Variants in VEZT observed in about 807,000 individuals in gnomAD.
VEZT encodes the protein vezatin, adherens junctions transmembrane protein.
Under a neutral mutation model 79.9 loss-of-function variants are expected in VEZT, and 39 were observed. That is an observed-to-expected ratio of 0.49 (90% CI 0.38 to 0.64). The LOEUF is 0.64. Among genes scored for constraint, VEZT ranks in the 30% least tolerant of loss-of-function variants. The pLI, the probability that VEZT is intolerant of heterozygous loss-of-function variation, is 0.00. For missense variants in VEZT, 837 were observed against 893.1 expected (o/e 0.94, Z 0.80); for synonymous variants, 325 against 327.6 (o/e 0.99, Z 0.09).
At chr12:95,243,309 CAG>C (rs150622139) in intron 1 of VEZT, among the ~76,000 whole-genome samples, 2,177 of 140,842 alleles carry the variant, frequency 0.015, 22 homozygotes, top group Non-Finnish European at 0.022. Context: ...TTGCCGTGAG[CAG>C]AGATAGTGTC....
At chr12:95,296,418 TAA>T in intron 11 of VEZT, 160 bp downstream of exon 11, 1 of 528,404 alleles carries the variant, frequency 1.9e-6, no homozygotes, top group African/African-American at 2.0e-5. Flanking sequence ...ATTTGATTAA[TAA>T]AAGAGTAGGA....
intron 1 of VEZT, chr12:95,218,610 C>A (rs1288812959): frequency 2.0e-5 from 3 of 152,100 alleles, no homozygotes; most frequent in Admixed American, 2.0e-4. Context: ...AAACTCGCAC[C>A]CCTGTACGTA....
intron 1 of VEZT, among the ~76,000 whole-genome samples, chr12:95,249,562 A>G (rs948688761): frequency 6.6e-6 from 1 of 152,242 alleles, no homozygotes; most frequent in African/African-American, 2.4e-5. Context: ...AACATAGCTT[A>G]AAAGAAAGGC....
At chr12:95,248,203 C>G (rs1203198212) in intron 1 of VEZT, among the ~76,000 whole-genome samples, 1 of 152,148 alleles carries the variant, frequency 6.6e-6, no homozygotes, top group Non-Finnish European at 1.5e-5. Flanking sequence ...AACAAGAAGC[C>G]TGTGAAACCA....
chr12:95,235,319 G>A (rs1412106086), intron 1 of VEZT, among the ~76,000 whole-genome samples: 33 of 136,334 alleles, frequency 2.4e-4, no homozygotes, highest in African/African-American at 8.7e-4. Flanking sequence ...CGGACGGGGC[G>A]GCTGGCCGGG....
At chr12:95,272,292 A>G (rs1302030648) in intron 6 of VEZT, among the ~76,000 whole-genome samples, 1 of 152,156 alleles carries the variant, frequency 6.6e-6, no homozygotes, top group African/African-American at 2.4e-5. Context: ...TTTTTATTAG[A>G]TGGTAAGAGA....
At chr12:95,230,318 C>T (rs1370932717) in intron 1 of VEZT, among the ~76,000 whole-genome samples, 6 of 152,056 alleles carry the variant, frequency 3.9e-5, no homozygotes, top group African/African-American at 1.4e-4. Flanking sequence ...ATATAGCCTC[C>T]TATCTCTTAT....
At chr12:95,234,001 G>A (rs1196531696) in intron 1 of VEZT, among the ~76,000 whole-genome samples, 1 of 152,146 alleles carries the variant, frequency 6.6e-6, no homozygotes. Flanking sequence ...AGTGTATGAT[G>A]TATCTGTATT....
chr12:95,224,557 C>A (rs1198584043), intron 1 of VEZT, among the ~76,000 whole-genome samples: 1 of 152,130 alleles, frequency 6.6e-6, no homozygotes. Context: ...TGGGCTTTAC[C>A]ACCTATGAGA....
chr12:95,227,685 C>T (rs890488222), intron 1 of VEZT, among the ~76,000 whole-genome samples: 6 of 151,954 alleles, frequency 3.9e-5, no homozygotes, highest in African/African-American at 1.5e-4. Flanking sequence ...ACATGTTGCC[C>T]AGGTTCAAGT....
At chr12:95,219,272 G>T (rs989339405) in intron 1 of VEZT, among the ~76,000 whole-genome samples, 2 of 152,018 alleles carry the variant, frequency 1.3e-5, no homozygotes, top group Admixed American at 1.3e-4. Context: ...TATGCTCAAG[G>T]AACATTTTAT....
intron 1 of VEZT, among the ~76,000 whole-genome samples, chr12:95,239,525 A>G (rs2060606548): frequency 6.6e-6 from 1 of 152,236 alleles, no homozygotes. Context: ...GCCACTAGTT[A>G]GTGCAGACTA....
intron 1 of VEZT, among the ~76,000 whole-genome samples, chr12:95,222,193 C>G (rs564606384): frequency 6.6e-6 from 1 of 152,100 alleles, no homozygotes. Flanking sequence ...CCAATTAAAC[C>G]TTATTCTTTT....
At chr12:95,300,088 A>G (rs1371334282) in intron 11 of VEZT, 77 bp from the exon 12 acceptor site, 4 of 772,832 alleles carry the variant, frequency 5.2e-6, no homozygotes, top group Admixed American at 8.2e-5. Context: ...AAAAAAACTG[A>G]GAGTTTGAAT....
At chr12:95,245,448 T>C (rs1180516972) in intron 1 of VEZT, 8 of 454,074 alleles carry the variant, frequency 1.8e-5, no homozygotes, top group Non-Finnish European at 3.1e-5. Flanking sequence ...TGATGAACCG[T>C]GGTTTTATCA....
At chr12:95,262,781 T>A in intron 3 of VEZT, 125 bp from the exon 4 acceptor site, 1 of 841,854 alleles carries the variant, frequency 1.2e-6, no homozygotes, top group Non-Finnish European at 1.7e-6. Context: ...ATTGGACTGT[T>A]GTTTCTTCTT....
rs770832605 is a variant in VEZT at position 95,257,255 on chromosome 12, T to G, written c.258+16T>G. The G allele has an allele frequency of 6.4e-7, 1 of 1,567,602 alleles. No homozygotes were observed. Among genetic ancestry groups the G allele is most frequent in the South Asian group, 1.2e-5 (1 of 85,836 alleles). On this transcript the variant is annotated intron_variant, in intron 3 of 11. Coordinates refer to ENST00000436874, the MANE Select transcript of VEZT (RefSeq NM_017599.4). ...TCACAAGTTGGTAAGTGGTCACTTC[T>G]TTTTGCCACTTTTCAGGGTTCTAGG...
intron 6 of VEZT, 48 bp from the exon 7 acceptor site, chr12:95,274,694 T>C: frequency 6.4e-7 from 1 of 1,569,370 alleles, no homozygotes; most frequent in South Asian, 1.2e-5. Flanking sequence ...ACTGTATCTT[T>C]TATGCTTTCA....
chr12:95,300,579 C>T lies in VEZT; in HGVS notation c.2246C>T (p.Ser749Phe). ...CTTGCTGCAGAAGTGGCTGCTAGATCTCTCTCCTTTACCACCATGCAGGAA... is the reference window on the plus strand; with the variant it reads ...CTTGCTGCAGAAGTGGCTGCTAGATTTCTCTCCTTTACCACCATGCAGGAA... ...AGLAAEVAAR[S>F]LSFTTMQEQT... Residue 749 changes from serine to phenylalanine, a missense_variant, in exon 12 of 12, where the codon TCT becomes TTT. By Grantham distance (155) the Ser-to-Phe change is radical. Coordinates refer to ENST00000436874, the MANE Select transcript of VEZT (RefSeq NM_017599.4). The T allele has an allele frequency of 6.2e-7, 1 of 1,613,904 alleles. No individual in the cohort carries two copies.
Sources: gnomAD v4.1 joint callset for allele counts (sites outside exome capture counted in the v4.1 genomes callset) on GRCh38, gnomAD v4.1.1 for gene constraint, MANE v1.5 for transcripts, NCBI Gene and HGNC (gene_info 2026-07-23, HGNC 2026-07-21) for gene names.